LARGE1: variants seen among roughly 807,000 people sequenced by gnomAD.
The protein encoded by LARGE1 is LARGE xylosyl- and glucuronyltransferase 1.
A neutral mutation model predicts 87.6 loss-of-function variants in LARGE1; 43 were observed. That is an observed-to-expected ratio of 0.49 (90% confidence interval 0.38 to 0.63). The LOEUF is 0.63. Ranked by LOEUF, LARGE1 falls within the 30% of genes least tolerant of loss-of-function variation. LARGE1 has a pLI of 0.00. For missense variants in LARGE1, 802 were observed against 1,000.2 expected (o/e 0.80, Z 2.67); for synonymous variants, 434 against 394.6 (o/e 1.10, Z -1.18).
downstream of LARGE1, among the ~76,000 whole-genome samples, chr22:33,270,101 C>G (rs9621673): frequency 0.013 from 2,000 of 151,986 alleles, 53 homozygotes; most frequent in African/African-American, 0.047. Flanking sequence ...TTTTGTGGCA[C>G]CCCCATTACC....
chr22:33,301,925 A>G (rs893147917), intron 12 of LARGE1, among the ~76,000 whole-genome samples: 2 of 152,198 alleles, frequency 1.3e-5, no homozygotes, highest in African/African-American at 4.8e-5. Flanking sequence ...TTTTTAAAAC[A>G]TGATGCCCAT....
chr22:33,323,426 G>C (rs529255516), intron 10 of LARGE1, among the ~76,000 whole-genome samples: 31 of 152,352 alleles, frequency 2.0e-4, no homozygotes, highest in Non-Finnish European at 3.1e-4. Context: ...AGGCTCAGGA[G>C]CTTTCAGTAA....
intron 1 of LARGE1, among the ~76,000 whole-genome samples, chr22:33,905,927 C>T (rs918191706): frequency 2.6e-5 from 4 of 152,008 alleles, no homozygotes; most frequent in South Asian, 2.1e-4. Flanking sequence ...GTCAGGAGTT[C>T]GAGACCAGCG....
intron 1 of LARGE1, among the ~76,000 whole-genome samples, chr22:33,771,512 T>G (rs1378491407): frequency 6.6e-6 from 1 of 152,180 alleles, no homozygotes; most frequent in Non-Finnish European, 1.5e-5. Flanking sequence ...TTTCATACAT[T>G]TTTTTTCTCA....
intron 1 of LARGE1, among the ~76,000 whole-genome samples, chr22:33,875,795 G>C (rs1204652562): frequency 6.6e-6 from 1 of 152,148 alleles, no homozygotes; most frequent in African/African-American, 2.4e-5. Flanking sequence ...ACAATGAGAA[G>C]CCTGCCTGTC....
At chr22:33,145,608 C>A in the LARGE1 span, among the ~76,000 whole-genome samples, 1 of 152,104 alleles carries the variant, frequency 6.6e-6, no homozygotes, top group African/African-American at 2.4e-5. Flanking sequence ...AAAGCGGAGT[C>A]TGAAAAAGGA....
chr22:33,223,276 T>A (rs1925548831), intron 11 of LARGE1, among the ~76,000 whole-genome samples: 1 of 152,070 alleles, frequency 6.6e-6, no homozygotes, highest in African/African-American at 2.4e-5. Flanking sequence ...GAGCAGAAAA[T>A]GAGCCAAGAA....
the LARGE1 span, among the ~76,000 whole-genome samples, chr22:33,099,612 TCTTA>T: frequency 6.6e-6 from 1 of 152,228 alleles, no homozygotes; most frequent in South Asian, 2.1e-4. Context: ...ATTTCTTTCC[TCTTA>T]CTTATGGCTG....
At chr22:33,522,190 A>G (rs1162418152) in intron 6 of LARGE1, among the ~76,000 whole-genome samples, 2 of 152,234 alleles carry the variant, frequency 1.3e-5, no homozygotes, top group Admixed American at 6.5e-5. Flanking sequence ...CATCCAAACT[A>G]TATCAAGCCC....
At chr22:33,763,675 C>T (rs2084806254) in intron 1 of LARGE1, among the ~76,000 whole-genome samples, 1 of 152,014 alleles carries the variant, frequency 6.6e-6, no homozygotes, top group Non-Finnish European at 1.5e-5. Context: ...GGATAAGCTT[C>T]CTTATTCATC....
chr22:33,592,199 G>C (rs1301378176), intron 5 of LARGE1, among the ~76,000 whole-genome samples: 1 of 151,640 alleles, frequency 6.6e-6, no homozygotes, highest in Non-Finnish European at 1.5e-5. Context: ...TACAGATTTA[G>C]CTCCCATATT....
chr22:33,512,334 G>A (rs1470720148), intron 6 of LARGE1, among the ~76,000 whole-genome samples: 1 of 152,096 alleles, frequency 6.6e-6, no homozygotes, highest in Admixed American at 6.5e-5. Flanking sequence ...ATAGGAGAAT[G>A]TCTTTTAAAA....
chr22:33,404,801 G>A (rs866964944), intron 7 of LARGE1, among the ~76,000 whole-genome samples: 26 of 152,292 alleles, frequency 1.7e-4, no homozygotes, highest in African/African-American at 5.5e-4. Context: ...AGGGGGAAGG[G>A]GGTTGGAGCC....
intron 3 of LARGE1, among the ~76,000 whole-genome samples, chr22:33,627,685 T>C (rs1392548692): frequency 6.6e-6 from 1 of 152,136 alleles, no homozygotes; most frequent in African/African-American, 2.4e-5. Flanking sequence ...CACTGTCTTA[T>C]ATCAGCACGG....
In LARGE1 at chr22:33,630,760, T is replaced by C. The variant is rs143820106; in HGVS notation, c.409-4434A>G. On this transcript the variant is annotated intron_variant, in intron 3 of 14. Coordinates refer to ENST00000397394, the MANE Select transcript of LARGE1 (RefSeq NM_133642.5). ...TTATAAACATGGTACACTTAGACTA[T>C]ACTAAGTTTATAAAAAATATTTTTC... Among the ~76,000 whole-genome samples, 233 of 152,332 alleles carry C rather than the reference T, an allele frequency of 1.5e-3. 1 individual carries two copies. Among genetic ancestry groups the C allele is most frequent in the African/African-American group, 3.5e-3 (144 of 41,582 alleles).
intron 11 of LARGE1, among the ~76,000 whole-genome samples, chr22:33,228,627 A>G (rs903675497): frequency 6.6e-6 from 1 of 152,258 alleles, no homozygotes; most frequent in Admixed American, 6.5e-5. Context: ...CTTTAATTAA[A>G]TACATCTTTC....
intron 1 of LARGE1, among the ~76,000 whole-genome samples, chr22:33,919,414 G>A (rs1324354768): frequency 6.6e-6 from 1 of 152,214 alleles, no homozygotes; most frequent in Non-Finnish European, 1.5e-5. Flanking sequence ...GCTATACACT[G>A]ATCACTCCTC....
intron 6 of LARGE1, among the ~76,000 whole-genome samples, chr22:33,541,078 G>GGT (rs1569252354): frequency 2.9e-4 from 18 of 62,174 alleles, no homozygotes; most frequent in East Asian, 6.0e-4. Context: ...CGGGGGGCGG[G>GGT]TTGCAGGGGG....
the LARGE1 span, among the ~76,000 whole-genome samples, chr22:33,069,744 C>G: frequency 6.6e-6 from 1 of 151,372 alleles, no homozygotes; most frequent in African/African-American, 2.4e-5. Flanking sequence ...CCTAGGAGCT[C>G]TAGATATAAA....
Sources: allele counts gnomAD v4.1 joint callset (sites outside exome capture counted in the v4.1 genomes callset), GRCh38; gene constraint gnomAD v4.1.1; transcripts MANE v1.5; gene names NCBI Gene and HGNC (gene_info 2026-07-23, HGNC 2026-07-21).